The following RGS5 variants were observed in gnomAD, a reference collection of about 807,000 sequenced individuals.
RGS5 encodes regulator of G-protein signalling 5.
A neutral mutation model predicts 18.9 loss-of-function variants in RGS5; 20 were observed. That is an observed-to-expected ratio of 1.06 (90% CI 0.74 to 1.54). The LOEUF is 1.54. RGS5 is among the 40% of genes most tolerant of loss of function. The pLI is 0.00. For missense variants in RGS5, 201 were observed against 211.8 expected, an observed-to-expected ratio of 0.95 and a Z score of 0.32; for synonymous variants, 57 against 76.2, an observed-to-expected ratio of 0.75 and a Z score of 1.31.
At chr1:163,151,927 T>G (rs1657391643) in intron 4 of RGS5, among the ~76,000 whole-genome samples, 1 of 152,212 alleles carries the variant, frequency 6.6e-6, no homozygotes, top group Admixed American at 6.6e-5. Context: ...TATCTTAATA[T>G]GAGACCCAAG....
At chr1:163,304,038 C>G (rs1649632355) in intron 2 of RGS5, among the ~76,000 whole-genome samples, 1 of 152,070 alleles carries the variant, frequency 6.6e-6, no homozygotes, top group South Asian at 2.1e-4. Flanking sequence ...GGTTGGAAAC[C>G]CGCTGGTCTA....
chr1:163,145,637 C>T lies in RGS5; in HGVS notation c.*1705G>A, dbSNP rs1451126217. The T allele has an allele frequency of 6.6e-6, 1 of 152,164 alleles. No individual in the cohort carries two copies. Among genetic ancestry groups the T allele is most frequent in the South Asian group, 2.1e-4 (1 of 4,832 alleles). 9.4% of individuals were successfully genotyped at this position (152,164 alleles called of 1,614,324 possible). A position where few individuals can be genotyped will look rare whatever the true frequency, so the allele number is the denominator to read the frequency against. On this transcript the variant is annotated 3_prime_UTR_variant, in exon 5 of 5. Transcript: ENST00000313961. ...ACCACTAGCAATTGTTGGCAGAACA[C>T]CCAACCACTCTACCCAGTTTCAGAA...
chr1:163,183,657 GA>G (rs1335671025), intron 1 of RGS5, among the ~76,000 whole-genome samples: 12 of 152,288 alleles, frequency 7.9e-5, no homozygotes, highest in Non-Finnish European at 1.5e-4. Context: ...AATTAAATTA[GA>G]TAATATCAAA....
At chr1:163,250,128 C>T (rs1648068587) in intron 2 of RGS5, among the ~76,000 whole-genome samples, 2 of 152,168 alleles carry the variant, frequency 1.3e-5, no homozygotes, top group African/African-American at 4.8e-5. Context: ...ATTGGGTTCT[C>T]CAGTTGGGCC....
intron 2 of RGS5, among the ~76,000 whole-genome samples, chr1:163,167,070 A>AG (rs397771960): frequency 5.3e-5 from 8 of 151,134 alleles, no homozygotes; most frequent in Non-Finnish European, 7.4e-5. Flanking sequence ...TAATAAAAAA[A>AG]GGAGGAATGG....
At chr1:163,197,357 A>G (rs1267751897) in intron 1 of RGS5, among the ~76,000 whole-genome samples, 3 of 152,052 alleles carry the variant, frequency 2.0e-5, no homozygotes, top group Non-Finnish European at 4.4e-5. Flanking sequence ...ACTTTCTTCA[A>G]GCATCATCCG....
chr1:163,209,183 G>A (rs1329653130), intron 1 of RGS5, among the ~76,000 whole-genome samples: 1 of 152,158 alleles, frequency 6.6e-6, no homozygotes, highest in Non-Finnish European at 1.5e-5. Context: ...AAATAACTGA[G>A]TGAAAAGAAG....
chr1:163,180,740 G>C (rs1477565366), intron 1 of RGS5, among the ~76,000 whole-genome samples: 1 of 122,178 alleles, frequency 8.2e-6, no homozygotes, highest in Non-Finnish European at 1.6e-5. Context: ...TGTTGCCCAG[G>C]CTGGAGTGCA....
At chr1:163,238,336 A>G (rs965341193) in intron 2 of RGS5, among the ~76,000 whole-genome samples, 1 of 152,254 alleles carries the variant, frequency 6.6e-6, no homozygotes, top group African/African-American at 2.4e-5. Flanking sequence ...CAATCTGAAC[A>G]GGATAAATTA....
chr1:163,316,890 C>A (rs1650039834), intron 1 of RGS5, among the ~76,000 whole-genome samples: 1 of 152,158 alleles, frequency 6.6e-6, no homozygotes, highest in African/African-American at 2.4e-5. Context: ...TTCAGTTCAA[C>A]AACAAATACT....
intron 2 of RGS5, among the ~76,000 whole-genome samples, chr1:163,295,656 T>G (rs1649403883): frequency 6.6e-6 from 1 of 152,212 alleles, no homozygotes; most frequent in South Asian, 2.1e-4. Flanking sequence ...TCCAAGATTC[T>G]TTATACTTTT....
intron 2 of RGS5, among the ~76,000 whole-genome samples, chr1:163,231,009 A>G (rs1337665628): frequency 2.6e-5 from 4 of 152,210 alleles, no homozygotes; most frequent in African/African-American, 9.7e-5. Context: ...CAAGTGATTG[A>G]CATTTGTCTG....
chr1:163,163,626 T>A (rs1657906621), intron 2 of RGS5, among the ~76,000 whole-genome samples: 1 of 152,230 alleles, frequency 6.6e-6, no homozygotes. Context: ...AGTGGAGAAC[T>A]GTTTTATGTA....
At position 163,202,877 on chromosome 1, in the gene RGS5, T is replaced by C. The variant is rs1291466174; in HGVS notation, c.-42A>G. On this transcript the variant is annotated 5_prime_UTR_variant, in exon 1 of 5. Coordinates refer to ENST00000313961, the MANE Select transcript of RGS5 (RefSeq NM_003617.4). ...GCTCCTCCGCTTTAAGTACAACTTC[T>C]TAACAGCAGAGCCAGTCTTTGAAAA... 6.3e-7 allele frequency: 1 copy of C among 1,597,962 alleles called. No homozygotes were observed. Among genetic ancestry groups the C allele is most frequent in the Non-Finnish European group, 8.6e-7 (1 of 1,166,254 alleles).
chr1:163,192,770 T>C (rs1308185504), intron 1 of RGS5, among the ~76,000 whole-genome samples: 1 of 152,202 alleles, frequency 6.6e-6, no homozygotes. Context: ...CCAGCAAGCA[T>C]CAGACCACCA....
intron 2 of RGS5, among the ~76,000 whole-genome samples, chr1:163,249,325 A>T (rs892686138): frequency 1.3e-5 from 2 of 152,236 alleles, no homozygotes; most frequent in Non-Finnish European, 2.9e-5. Context: ...GCACTATACC[A>T]ATAGTCTCTT....
chr1:163,147,918 CTTTTTTTTTT>C (rs534448527), intron 4 of RGS5, among the ~76,000 whole-genome samples: 3 of 78,086 alleles, frequency 3.8e-5, no homozygotes, highest in African/African-American at 5.8e-5. Context: ...TTTTCTTTTT[CTTTTTTTTTT>C]TTTTTTTTTT....
chr1:163,205,439 T>TTCCCTCCTGAGAA (rs1234680363), upstream of RGS5, among the ~76,000 whole-genome samples: 1 of 151,914 alleles, frequency 6.6e-6, no homozygotes, highest in Non-Finnish European at 1.5e-5. Context: ...AAAATCTCCT[T>TTCCCTCCTGAGAA]TCCCTCCTGA....
intron 2 of RGS5, among the ~76,000 whole-genome samples, chr1:163,233,399 C>T (rs1406737412): frequency 6.6e-6 from 1 of 152,196 alleles, no homozygotes; most frequent in African/African-American, 2.4e-5. Context: ...AAACTTTCCC[C>T]AAATAGCTTT....
Sources: gnomAD v4.1 joint callset for allele counts (sites outside exome capture counted in the v4.1 genomes callset) on GRCh38, gnomAD v4.1.1 for gene constraint, MANE v1.5 for transcripts, NCBI Gene and HGNC (gene_info 2026-07-23, HGNC 2026-07-21) for gene names.